The following NDUFA10 variants were observed in gnomAD, a reference collection of about 807,000 sequenced individuals.
NDUFA10 encodes the protein NADH dehydrogenase [ubiquinone] 1 alpha subcomplex subunit 10, mitochondrial.
Under a neutral mutation model 47.8 loss-of-function variants are expected in NDUFA10, and 40 were observed. The ratio of observed to expected loss-of-function variants is 0.84; its 90% CI spans 0.65 to 1.09. NDUFA10 has a LOEUF of 1.09. Among genes scored for constraint, NDUFA10 ranks in the 50% least tolerant of loss-of-function variants. The probability of loss-of-function intolerance (pLI) is 0.00; values close to 1 mark genes in which losing one functional copy is unlikely to be tolerated. For missense variants in NDUFA10, 413 were observed against 451.1 expected, an observed-to-expected ratio of 0.92 and a Z score of 0.76; for synonymous variants, 183 against 172.2, an observed-to-expected ratio of 1.06 and a Z score of -0.49.
chr2:239,983,693 C>A (rs868593740), intron 9 of NDUFA10: 1 of 1,572,898 alleles, frequency 6.4e-7, no homozygotes, highest in East Asian at 2.4e-5. Context: ...GATTCCTCCC[C>A]AAAACACACA....
At chr2:239,982,463 G>A (rs1053773881) in intron 9 of NDUFA10, among the ~76,000 whole-genome samples, 19 of 152,178 alleles carry the variant, frequency 1.2e-4, no homozygotes, top group Admixed American at 7.2e-4. Context: ...CTCTAACTGT[G>A]ACCCAACTAA....
chr2:239,995,587 G>A (rs1043477396), intron 8 of NDUFA10, among the ~76,000 whole-genome samples: 2 of 152,210 alleles, frequency 1.3e-5, no homozygotes, highest in Non-Finnish European at 2.9e-5. Context: ...GAAAAGCATG[G>A]TAAAATGGAA....
chr2:239,949,949 C>A (rs539601120), intron 4 of NDUFA10, among the ~76,000 whole-genome samples: 11 of 152,298 alleles, frequency 7.2e-5, no homozygotes, highest in African/African-American at 2.2e-4. Flanking sequence ...CTCAGGAGAG[C>A]CCTGACTGAG....
rs377502766 is a variant in NDUFA10 at position 239,920,842 on chromosome 2, G to T, written c.295-25528C>A. 2.8e-4 allele frequency among the ~76,000 whole-genome samples: 43 copies of T among 152,288 alleles called. No individual in the cohort carries two copies. In the South Asian group the frequency reaches 8.5e-3, roughly 30 times the overall value. On this transcript the variant is annotated intron_variant, in intron 4 of 5. Transcript: ENST00000419408. Reference sequence around the variant, plus strand: ...CAGATGAACACAGTTCCTAGAAGGCGGAGGGGTGGGGTCGTCTGAGGTGCC... The same window carrying T: ...CAGATGAACACAGTTCCTAGAAGGCTGAGGGGTGGGGTCGTCTGAGGTGCC...
intron 9 of NDUFA10, chr2:239,982,329 CT>C: frequency 7.0e-7 from 1 of 1,432,680 alleles, no homozygotes; most frequent in Non-Finnish European, 9.4e-7. Context: ...AACCTGAACT[CT>C]TTTCTAAAAA....
At chr2:239,914,239 CACACACACAGAACACACACATAT>C (rs993305072) in intron 4 of NDUFA10, among the ~76,000 whole-genome samples, 15 of 139,790 alleles carry the variant, frequency 1.1e-4, no homozygotes, top group African/African-American at 4.9e-4. Flanking sequence ...CACAAACATA[CACACACACAGAACACACACATAT>C]ACATACACAG....
rs1694738305 is a variant in NDUFA10, at chr2:239,959,003, A to G, written c.*2115T>C. On this transcript the variant is annotated 3_prime_UTR_variant, in exon 10 of 10. Transcript: ENST00000252711. ...ACGCATGTACTGCTCTGAAATAAGG[A>G]AATCGGGGCATCTCCTCACCTCTTC... 1.0e-6 allele frequency: 1 copy of G among 985,328 alleles called. No homozygotes were observed. Among genetic ancestry groups the G allele is most frequent in the Admixed American group, 6.1e-5 (1 of 16,268 alleles). The allele number at this position is 985,328 out of a possible 1,614,324, so 61.0% of individuals were successfully genotyped here.
chr2:239,938,255 C>T (rs970487070), intron 4 of NDUFA10, among the ~76,000 whole-genome samples: 1 of 152,178 alleles, frequency 6.6e-6, no homozygotes, highest in Non-Finnish European at 1.5e-5. Context: ...AAACCTGTAG[C>T]GTGGCAATGG....
chr2:239,950,523 C>T (rs1694533615), intron 4 of NDUFA10, among the ~76,000 whole-genome samples: 2 of 152,088 alleles, frequency 1.3e-5, no homozygotes, highest in South Asian at 4.1e-4. Flanking sequence ...ATTGACCTTT[C>T]CCACTTGTGT....
chr2:240,008,174 G>T (rs1697016500), intron 6 of NDUFA10, among the ~76,000 whole-genome samples: 1 of 152,130 alleles, frequency 6.6e-6, no homozygotes. Flanking sequence ...AAAGAAAAAA[G>T]TCTTCAAGCT....
At chr2:239,941,680 G>A (rs1694363647) in intron 4 of NDUFA10, among the ~76,000 whole-genome samples, 1 of 150,168 alleles carries the variant, frequency 6.7e-6, no homozygotes, top group African/African-American at 2.5e-5. Flanking sequence ...AGCCAAGATC[G>A]CACCACTGCA....
chr2:239,931,629 G>A (rs1694176041), intron 4 of NDUFA10, among the ~76,000 whole-genome samples: 1 of 152,200 alleles, frequency 6.6e-6, no homozygotes, highest in South Asian at 2.1e-4. Context: ...GCACACAGCA[G>A]GTGCCCAGTC....
intron 9 of NDUFA10, among the ~76,000 whole-genome samples, chr2:239,980,307 G>A (rs548190341): frequency 1.3e-5 from 2 of 152,348 alleles, no homozygotes; most frequent in East Asian, 3.9e-4. Flanking sequence ...TGAAATGTCA[G>A]GCTTGGCAGC....
chr2:239,945,905 G>C lies in NDUFA10; in HGVS notation c.294+44169C>G, dbSNP rs1173580274. 6.6e-6 allele frequency among the ~76,000 whole-genome samples: 1 copy of C among 152,154 alleles called. No homozygotes were observed. Among genetic ancestry groups the C allele is most frequent in the Middle Eastern group, 3.2e-3 (1 of 316 alleles). On this transcript the variant is annotated intron_variant, in intron 4 of 5. Coordinates refer to the NDUFA10 transcript ENST00000419408. The surrounding 1 kb of genome is among the most constrained non-coding windows in gnomAD (Gnocchi z 4.6). ...TGCAACCCAGGTGCCTGGAGCAGGAGGGTGGAAGACACTGCGCTGAGAATG... is the reference window on the plus strand; with the variant it reads ...TGCAACCCAGGTGCCTGGAGCAGGACGGTGGAAGACACTGCGCTGAGAATG...
intron 4 of NDUFA10, 36 bp downstream of exon 4, chr2:240,018,517 C>G: frequency 4.3e-6 from 7 of 1,614,152 alleles, no homozygotes; most frequent in Non-Finnish European, 5.1e-6. Context: ...AAAGTCGCAC[C>G]ACACACCCAG....
At chr2:239,951,245 C>T (rs192919820) in intron 4 of NDUFA10, among the ~76,000 whole-genome samples, 3 of 152,300 alleles carry the variant, frequency 2.0e-5, no homozygotes, top group East Asian at 3.9e-4. Flanking sequence ...GCCCACAGGG[C>T]GTGCGGGAGG....
chr2:240,018,530 G>A (rs1392422777), intron 4 of NDUFA10, 23 bp downstream of exon 4: 1 of 1,614,236 alleles, frequency 6.2e-7, no homozygotes, highest in Non-Finnish European at 8.5e-7. Flanking sequence ...ACACCCAGAA[G>A]TGGGTCTGCA....
chr2:240,013,383 A>G (rs1697215038), intron 5 of NDUFA10: 1 of 152,154 alleles, frequency 6.6e-6, no homozygotes, highest in East Asian at 1.9e-4. Context: ...TATTTTTGAA[A>G]TACTGTTTTC....
intron 4 of NDUFA10, among the ~76,000 whole-genome samples, chr2:239,900,944 C>T (rs1405433051): frequency 2.0e-5 from 3 of 152,212 alleles, no homozygotes; most frequent in African/African-American, 7.2e-5. Context: ...GCAAGTTATA[C>T]AGAAGATCTA....
Sources: gnomAD v4.1 joint callset for allele counts (sites outside exome capture counted in the v4.1 genomes callset) on GRCh38, gnomAD v4.1.1 for gene constraint, Gnocchi (gnomAD v3.1) non-coding constraint, MANE v1.5 for transcripts, NCBI Gene and HGNC (gene_info 2026-07-23, HGNC 2026-07-21) for gene names.